The following ZNF362 variants were observed in gnomAD, a reference collection of about 807,000 sequenced individuals.
The protein encoded by ZNF362 is rotund homolog.
In ZNF362, 11 loss-of-function variants were observed where a neutral mutation model predicts 42.9. The observed-to-expected ratio is 0.26, with a 90% CI of 0.16 to 0.42. The LOEUF (loss-of-function observed/expected upper bound fraction) is 0.42, where lower values mean the gene tolerates loss of function less well. ZNF362 is among the 20% of genes least tolerant of loss of function. ZNF362 has a pLI of 1.00. For synonymous variants in ZNF362, 255 were observed against 257.3 expected, an observed-to-expected ratio of 0.99 and a Z score of 0.09; for missense variants, 362 against 576.2, an observed-to-expected ratio of 0.63 and a Z score of 3.81.
the ZNF362 span, chr1:33,159,666 G>T: frequency 6.3e-7 from 1 of 1,590,590 alleles, no homozygotes; most frequent in South Asian, 1.1e-5. The surrounding 1 kb of genome is among the most constrained non-coding windows in gnomAD (Gnocchi z 4.2). Context: ...AGCCGGGGAG[G>T]GCCCCGGCGG....
chr1:33,165,584 C>T, the ZNF362 span: 14 of 1,593,734 alleles, frequency 8.8e-6, no homozygotes, highest in Non-Finnish European at 1.2e-5. This position sits in a 1 kb window ranked among gnomAD's most constrained non-coding sequence, Gnocchi z 4.0. Flanking sequence ...ACACACAGGG[C>T]CGGGATGGGG....
intron 2 of ZNF362, among the ~76,000 whole-genome samples, chr1:33,274,588 G>A (rs2148091494): frequency 6.6e-6 from 1 of 152,316 alleles, no homozygotes; most frequent in South Asian, 2.1e-4. Context: ...GAGGGCAGGA[G>A]CTGCCCCAGC....
the ZNF362 span, among the ~76,000 whole-genome samples, chr1:33,141,507 T>A: frequency 6.6e-6 from 1 of 152,078 alleles, no homozygotes; most frequent in Non-Finnish European, 1.5e-5. Flanking sequence ...TCAGATTCGA[T>A]CACATCTAGT....
intron 1 of ZNF362, among the ~76,000 whole-genome samples, chr1:33,262,463 C>T (rs181843323): frequency 0.019 from 2,840 of 152,018 alleles, 82 homozygotes; most frequent in African/African-American, 0.062. Flanking sequence ...CCCACCACCA[C>T]GCCCAGCTAA....
At chr1:33,243,151 ATGTTATGTTG>A in the ZNF362 span, among the ~76,000 whole-genome samples, 2 of 149,024 alleles carry the variant, frequency 1.3e-5, no homozygotes, top group African/African-American at 2.5e-5. Context: ...ATGTTATGTT[ATGTTATGTTG>A]TTATGTTATT....
the ZNF362 span, among the ~76,000 whole-genome samples, chr1:33,136,113 C>CCCTTCCTT: frequency 0.026 from 2,699 of 103,438 alleles, 58 homozygotes; most frequent in Admixed American, 0.032. Flanking sequence ...CAGGGGCCAG[C>CCCTTCCTT]CCTTCCTTCC....
At chr1:33,251,274 C>T in the ZNF362 span, among the ~76,000 whole-genome samples, 1 of 152,188 alleles carries the variant, frequency 6.6e-6, no homozygotes, top group Non-Finnish European at 1.5e-5. Flanking sequence ...GGCTGCAAAA[C>T]CTGTGAGTCA....
At chr1:33,140,222 T>C in the ZNF362 span, among the ~76,000 whole-genome samples, 12 of 152,296 alleles carry the variant, frequency 7.9e-5, no homozygotes, top group African/African-American at 2.9e-4. This position sits in a 1 kb window ranked among gnomAD's most constrained non-coding sequence, Gnocchi z 4.0. Context: ...ACGGTGGCGA[T>C]GAAGGAGCTG....
the ZNF362 span, among the ~76,000 whole-genome samples, chr1:33,247,871 G>T: frequency 0.03 from 4,500 of 152,262 alleles, 209 homozygotes; most frequent in African/African-American, 0.1. Flanking sequence ...GACTCGGTAG[G>T]AAAAAGGAGT....
At chr1:33,150,520 C>G in the ZNF362 span, among the ~76,000 whole-genome samples, 1 of 152,186 alleles carries the variant, frequency 6.6e-6, no homozygotes, top group Non-Finnish European at 1.5e-5. Flanking sequence ...ACTTAGAGGG[C>G]TGTATGGAAG....
chr1:33,252,791 A>T (rs1645768538), upstream of ZNF362, among the ~76,000 whole-genome samples: 1 of 152,182 alleles, frequency 6.6e-6, no homozygotes, highest in Non-Finnish European at 1.5e-5. Flanking sequence ...ATTGATTCTT[A>T]TACACACAAT....
At chr1:33,284,116 G>C (rs1646015593) in intron 6 of ZNF362, among the ~76,000 whole-genome samples, 1 of 152,212 alleles carries the variant, frequency 6.6e-6, no homozygotes, top group East Asian at 1.9e-4. Context: ...GTGTAATGTG[G>C]CGGTTACCCT....
the ZNF362 span, among the ~76,000 whole-genome samples, chr1:33,246,697 G>T: frequency 6.6e-6 from 1 of 152,220 alleles, no homozygotes; most frequent in Non-Finnish European, 1.5e-5. Flanking sequence ...TCAGTGTTTT[G>T]CAGGCCACGT....
chr1:33,280,216 CCCA>C lies in ZNF362; in HGVS notation c.452_454del (p.Thr151del), dbSNP rs1645982136. On this transcript the variant is annotated inframe_deletion, in exon 5 of 9. Coordinates refer to ENST00000539719, the MANE Select transcript of ZNF362 (RefSeq NM_152493.3). The surrounding 1 kb of genome is among the most constrained non-coding windows in gnomAD (Gnocchi z 5.6). Reference sequence around the variant, plus strand: ...CACGGGTACCAGCACCCCGTCCACACCCACCACCACCAGCCAGAGCCGCCTCAT... The same window carrying C: ...CACGGGTACCAGCACCCCGTCCACACCCACCACCAGCCAGAGCCGCCTCAT... The C allele has an allele frequency of 3.7e-6, 6 of 1,613,926 alleles. No individual in the cohort carries two copies. Among genetic ancestry groups the C allele is most frequent in the Non-Finnish European group, 5.1e-6 (6 of 1,179,878 alleles).
At chr1:33,255,207 G>T (rs1645778839), upstream of ZNF362, among the ~76,000 whole-genome samples, 1 of 152,258 alleles carries the variant, frequency 6.6e-6, no homozygotes, top group Non-Finnish European at 1.5e-5. Context: ...GAATCTTCGT[G>T]AGGGCAGGGG....
the ZNF362 span, chr1:33,164,698 C>T: frequency 6.6e-6 from 1 of 152,226 alleles, no homozygotes; most frequent in East Asian, 1.9e-4. Context: ...GGAGATGATA[C>T]CAGGGCTGGG....
the ZNF362 span, among the ~76,000 whole-genome samples, chr1:33,131,162 G>C: frequency 6.6e-6 from 1 of 152,220 alleles, no homozygotes; most frequent in Admixed American, 6.5e-5. Context: ...TCAAGGAAGA[G>C]CTGGAGGGAA....
At chr1:33,284,136 G>T (rs1391864181) in intron 6 of ZNF362, among the ~76,000 whole-genome samples, 1 of 152,206 alleles carries the variant, frequency 6.6e-6, no homozygotes, top group Admixed American at 6.5e-5. Context: ...TTTTTTTGGA[G>T]AATCTTCGTT....
chr1:33,282,043 C>A lies in ZNF362; in HGVS notation c.908+232C>A, dbSNP rs1439356986. 1.4e-5 allele frequency: 8 copies of A among 566,062 alleles called. No homozygotes were observed. In the East Asian group the frequency reaches 2.0e-4, roughly 14 times the overall value. The allele number at this position is 566,062 out of a possible 1,614,324, so 35.1% of individuals were successfully genotyped here. On this transcript the variant is annotated intron_variant, in intron 6 of 8. Transcript: ENST00000539719. ...TGTGTCCTTTACCAGAGAGACACCC[C>A]TCTCCCGCTTTTCCCTGTTTCTCTG...
Sources: gnomAD v4.1 joint callset for allele counts (sites outside exome capture counted in the v4.1 genomes callset) on GRCh38, gnomAD v4.1.1 for gene constraint, Gnocchi (gnomAD v3.1) non-coding constraint, MANE v1.5 for transcripts, NCBI Gene and HGNC (gene_info 2026-07-23, HGNC 2026-07-21) for gene names.